The following DPEP2 variants were observed in gnomAD, a reference collection of about 807,000 sequenced individuals.
DPEP2 encodes the protein dipeptidase 2.
A neutral mutation model predicts 51.8 loss-of-function variants in DPEP2; 45 were observed. The ratio of observed to expected loss-of-function variants is 0.87; its 90% confidence interval spans 0.68 to 1.11. The LOEUF (loss-of-function observed/expected upper bound fraction) is 1.11, where lower values mean the gene tolerates loss of function less well. Ranked by LOEUF, DPEP2 falls within the 50% of genes most tolerant of loss-of-function variation. The probability of loss-of-function intolerance (pLI) is 0.00; values close to 1 mark genes in which losing one functional copy is unlikely to be tolerated. For synonymous variants in DPEP2, 255 were observed against 262.7 expected, an observed-to-expected ratio of 0.97 and a Z score of 0.28; for missense variants, 604 against 631.9, an observed-to-expected ratio of 0.96 and a Z score of 0.47.
rs1276686446 is a variant in DPEP2, at chr16:67,993,369, A to C, written c.-45-112T>G. 4.6e-6 allele frequency: 6 copies of C among 1,302,516 alleles called. No individual in the cohort carries two copies. In the African/African-American group the frequency reaches 9.2e-5, roughly 20 times the overall value. The allele number at this position is 1,302,516 out of a possible 1,614,324, so 80.7% of individuals were successfully genotyped here. Reference sequence around the variant, plus strand: ...GGTAACGAAGTCACAGGGCCCCGCGAAGGATGTGCGGAGAGCGGCGGCACC... The same window carrying C: ...GGTAACGAAGTCACAGGGCCCCGCGCAGGATGTGCGGAGAGCGGCGGCACC... On this transcript the variant is annotated intron_variant, in intron 1 of 10. Coordinates refer to ENST00000393847, the MANE Select transcript of DPEP2 (RefSeq NM_022355.4).
intron 3 of DPEP2, 154 bp from the exon 4 acceptor site, chr16:67,992,347 G>A: frequency 2.2e-6 from 2 of 902,548 alleles, no homozygotes; most frequent in Non-Finnish European, 2.7e-6. Context: ...CACCAAGCTG[G>A]CTCACTGTAG....
chr16:67,992,693 C>T (rs2032326650), intron 2 of DPEP2, 57 bp from the exon 3 acceptor site: 7 of 1,584,818 alleles, frequency 4.4e-6, no homozygotes, highest in Non-Finnish European at 6.0e-6. Context: ...CCTCTTAGCC[C>T]TCCAGTTCAG....
At chr16:67,998,946 A>G (rs1360356865) in intron 1 of DPEP2, among the ~76,000 whole-genome samples, 2 of 152,098 alleles carry the variant, frequency 1.3e-5, no homozygotes, top group Non-Finnish European at 2.9e-5. Context: ...TAAACGCACC[A>G]ATCAGCACCC....
intron 1 of DPEP2, among the ~76,000 whole-genome samples, chr16:67,995,620 G>A (rs1462230893): frequency 2.0e-5 from 3 of 152,174 alleles, no homozygotes; most frequent in Non-Finnish European, 2.9e-5. Flanking sequence ...GAGGTAAGGG[G>A]CATAAAGAAT....
chr16:67,992,286 G>A, intron 3 of DPEP2, 93 bp from the exon 4 acceptor site: 1 of 1,515,268 alleles, frequency 6.6e-7, no homozygotes, highest in Non-Finnish European at 8.9e-7. Context: ...GCACCCAGTG[G>A]GCCAGGAGGC....
intron 1 of DPEP2, among the ~76,000 whole-genome samples, chr16:67,995,227 T>A (rs905057369): frequency 8.6e-5 from 13 of 151,732 alleles, no homozygotes; most frequent in East Asian, 1.9e-4. Flanking sequence ...TTTATTTTTT[T>A]AATTAAAGAC....
At chr16:67,988,613 A>G (rs960578003) in intron 9 of DPEP2, among the ~76,000 whole-genome samples, 12 of 151,322 alleles carry the variant, frequency 7.9e-5, no homozygotes, top group Admixed American at 2.0e-4. Flanking sequence ...AAAAAAAAAA[A>G]AAAGAAAAGA....
chr16:67,994,908 T>C (rs1488878655), intron 1 of DPEP2: 1 of 985,352 alleles, frequency 1.0e-6, no homozygotes, highest in Non-Finnish European at 1.2e-6. Flanking sequence ...GGGTCTTTTT[T>C]TGTTTGTTTT....
chr16:67,995,821 G>A (rs1449925740), intron 1 of DPEP2, among the ~76,000 whole-genome samples: 1 of 151,902 alleles, frequency 6.6e-6, no homozygotes, highest in Admixed American at 6.6e-5. Flanking sequence ...AACATTAGCC[G>A]GGCTTGGTGG....
intron 1 of DPEP2, among the ~76,000 whole-genome samples, chr16:67,995,841 G>A (rs2032658673): frequency 6.6e-6 from 1 of 151,948 alleles, no homozygotes; most frequent in Non-Finnish European, 1.5e-5. Flanking sequence ...GTGCGCGCCT[G>A]TAGTCCCAAA....
chr16:67,989,587 G>A (rs1203040030), intron 8 of DPEP2, among the ~76,000 whole-genome samples, 189 bp from the exon 9 acceptor site: 1 of 152,178 alleles, frequency 6.6e-6, no homozygotes, highest in Non-Finnish European at 1.5e-5. Context: ...AGCTGGTTCT[G>A]GCCTGGATTT....
intron 7 of DPEP2, 27 bp downstream of exon 7, chr16:67,990,794 A>G: frequency 6.3e-7 from 1 of 1,597,366 alleles, no homozygotes; most frequent in Non-Finnish European, 8.6e-7. Flanking sequence ...CTCTTGCTTT[A>G]GGTTCCTGGG....
chr16:67,992,401 A>C, intron 3 of DPEP2, 109 bp downstream of exon 3: 1 of 1,506,636 alleles, frequency 6.6e-7, no homozygotes, highest in Non-Finnish European at 8.9e-7. Context: ...TTTTTGGGTC[A>C]CTATGGTAAC....
chr16:67,992,829 G>A (rs2032342752), intron 2 of DPEP2, 121 bp downstream of exon 2: 7 of 1,481,462 alleles, frequency 4.7e-6, no homozygotes, highest in Non-Finnish European at 6.3e-6. Flanking sequence ...CATGCATGAC[G>A]GGAGAGAGGG....
At position 67,987,875 on chromosome 16, in the gene DPEP2, G is replaced by A. The variant is rs757133675; in HGVS notation, c.1183C>T (p.Arg395Trp). 6.2e-6 allele frequency: 10 copies of A among 1,614,038 alleles called. No homozygotes were observed. Among genetic ancestry groups the A allele is most frequent in the South Asian group, 2.2e-5 (2 of 91,076 alleles). The change falls in exon 10 of 11, where the codon CGG becomes TGG. Residue 395 changes from arginine (R) to tryptophan (W), a missense_variant. Coordinates refer to ENST00000393847, the MANE Select transcript of DPEP2 (RefSeq NM_022355.4). Reference protein sequence around the residue: ...LQGVLRGNLLRVFRQVEKVQE... With the variant: ...LQGVLRGNLLWVFRQVEKVQE... ...ACCTTTTCCACTTGTCTGAAGACCC[G>A]CAGCAGGTTTCCACGAAGGACACCC...
intron 7 of DPEP2, 131 bp from the exon 8 acceptor site, chr16:67,990,262 G>A: frequency 1.3e-6 from 1 of 784,496 alleles, no homozygotes; most frequent in Non-Finnish European, 2.1e-6. Context: ...TCACCTCTCT[G>A]GTTTTGTATG....
Position 67,993,138 on chromosome 16 carries a change from C to CAGCAGCAGG in DPEP2, c.66_74dup (p.Leu25_Leu27dup), listed in dbSNP as rs772313393. The CAGCAGCAGG allele has an allele frequency of 4.9e-5, 75 of 1,541,086 alleles. No homozygotes were observed. Among genetic ancestry groups the CAGCAGCAGG allele is most frequent in the Non-Finnish European group, 6.4e-5 (73 of 1,141,686 alleles). The stretch of plus-strand genomic sequence containing the variant: ...AGGCACAGGTTACAGGCTGGAGCAG[C>CAGCAGCAGG]AGCAGCAGGAGCAGCAGACTCAGCA... On this transcript the variant is annotated inframe_insertion, in exon 2 of 11. Coordinates refer to ENST00000393847, the MANE Select transcript of DPEP2 (RefSeq NM_022355.4).
chr16:67,993,866 G>A (rs755173318), intron 1 of DPEP2: 18 of 985,350 alleles, frequency 1.8e-5, no homozygotes, highest in African/African-American at 5.2e-5. Flanking sequence ...TCTCTCTCCC[G>A]TAACTTAGGC....
intron 7 of DPEP2, 75 bp downstream of exon 7, chr16:67,990,746 G>C (rs1598263520): frequency 1.3e-6 from 2 of 1,514,302 alleles, no homozygotes; most frequent in East Asian, 4.5e-5. Context: ...TTACAGGTGT[G>C]AGCCACCATG....
Sources: allele counts gnomAD v4.1 joint callset (sites outside exome capture counted in the v4.1 genomes callset), GRCh38; gene constraint gnomAD v4.1.1; transcripts MANE v1.5; gene names NCBI Gene and HGNC (gene_info 2026-07-23, HGNC 2026-07-21).